Variants in NEGR1 observed in about 807,000 individuals in gnomAD.
NEGR1 encodes neuronal growth regulator 1.
NEGR1 carries 10 observed loss-of-function variants against 40.9 expected under a neutral mutation model. That is an observed-to-expected ratio of 0.24 (90% CI 0.15 to 0.42). NEGR1 has a LOEUF of 0.42. Among genes scored for constraint, NEGR1 ranks in the 10% least tolerant of loss-of-function variants. NEGR1 has a pLI of 1.00. For synonymous variants in NEGR1, 185 were observed against 166.8 expected (o/e 1.11, Z -0.84); for missense variants, 352 against 438.9 (o/e 0.80, Z 1.77).
chr1:72,207,170 AC>A (rs1351754535), intron 1 of NEGR1, among the ~76,000 whole-genome samples: 3 of 151,808 alleles, frequency 2.0e-5, no homozygotes, highest in Admixed American at 6.6e-5. Flanking sequence ...TTAAAAAAAA[AC>A]AAAAGTCAAT....
intron 2 of NEGR1, among the ~76,000 whole-genome samples, chr1:71,849,469 C>A (rs1255498989): frequency 6.6e-6 from 1 of 152,074 alleles, no homozygotes; most frequent in Admixed American, 6.6e-5. Flanking sequence ...AAAATGATTT[C>A]TTGAGATGGA....
chr1:71,862,800 C>G (rs376213517), intron 2 of NEGR1, among the ~76,000 whole-genome samples: 1 of 151,920 alleles, frequency 6.6e-6, no homozygotes. Flanking sequence ...CATGAACAGA[C>G]GATTCTCAAA....
chr1:72,209,395 C>T (rs1653518080), intron 1 of NEGR1, among the ~76,000 whole-genome samples: 1 of 151,572 alleles, frequency 6.6e-6, no homozygotes, highest in Admixed American at 6.6e-5. Flanking sequence ...CAGACTCCAG[C>T]AATATGATTC....
At chr1:71,882,795 T>A (rs1423290032) in intron 2 of NEGR1, among the ~76,000 whole-genome samples, 1 of 151,794 alleles carries the variant, frequency 6.6e-6, no homozygotes, top group African/African-American at 2.4e-5. Context: ...AGTCTATATG[T>A]GGAGGAGTTT....
chr1:72,126,967 G>T (rs903711319), intron 1 of NEGR1, among the ~76,000 whole-genome samples: 4 of 152,154 alleles, frequency 2.6e-5, no homozygotes, highest in African/African-American at 7.2e-5. Context: ...ACACAAATCC[G>T]ACTTTTTCCC....
intron 1 of NEGR1, among the ~76,000 whole-genome samples, chr1:72,140,814 T>G (rs2100334478): frequency 6.6e-6 from 1 of 152,126 alleles, no homozygotes; most frequent in African/African-American, 2.4e-5. Flanking sequence ...ATAATTATTA[T>G]ATTTAATTAA....
At chr1:72,102,759 A>C (rs1399044316) in intron 1 of NEGR1, among the ~76,000 whole-genome samples, 1 of 152,090 alleles carries the variant, frequency 6.6e-6, no homozygotes, top group Non-Finnish European at 1.5e-5. Flanking sequence ...ATTCACTTAT[A>C]AAGTTATTTT....
intron 1 of NEGR1, among the ~76,000 whole-genome samples, chr1:72,146,282 G>A (rs1420893101): frequency 2.6e-5 from 4 of 152,162 alleles, no homozygotes; most frequent in African/African-American, 9.7e-5. Context: ...GCCATCGTCT[G>A]TTGTTGTTTA....
chr1:71,777,428 C>G (rs1038973974), intron 2 of NEGR1, among the ~76,000 whole-genome samples: 5 of 152,126 alleles, frequency 3.3e-5, no homozygotes, highest in African/African-American at 1.2e-4. Context: ...TGCTCTTTTC[C>G]TATGCCTTAA....
At position 71,398,545 on chromosome 1, in the gene NEGR1, G is replaced by A. The variant is rs576623763; in HGVS notation, c.*8901C>T. The A allele has an allele frequency of 1.3e-5, 2 of 152,352 alleles. No homozygotes were observed. The highest frequency in any genetic ancestry group is 2.1e-4 in the South Asian group (1 of 4,826). 9.4% of individuals were successfully genotyped at this position (152,352 alleles called of 1,614,324 possible). On this transcript the variant is annotated 3_prime_UTR_variant, in exon 7 of 7. Transcript: ENST00000357731. ...CTTACCCAATGCCTGTACTTCCATT[G>A]CATCTAGGAAGTAACTAACTTGCTT...
At chr1:71,675,716 A>G (rs1652605656) in intron 4 of NEGR1, among the ~76,000 whole-genome samples, 1 of 152,094 alleles carries the variant, frequency 6.6e-6, no homozygotes, top group African/African-American at 2.4e-5. Flanking sequence ...TATACAGAAA[A>G]AGAAACCAAG....
intron 2 of NEGR1, among the ~76,000 whole-genome samples, chr1:71,823,378 T>C (rs1658504115): frequency 6.6e-6 from 1 of 151,946 alleles, no homozygotes; most frequent in Admixed American, 6.6e-5. Context: ...ATGATAACCT[T>C]GTTATATCCT....
chr1:72,039,404 C>A (rs1646932556), intron 1 of NEGR1, among the ~76,000 whole-genome samples: 1 of 151,818 alleles, frequency 6.6e-6, no homozygotes, highest in Non-Finnish European at 1.5e-5. Context: ...AGAGAAAAGA[C>A]CCTGCTAGTA....
chr1:71,746,015 T>C (rs1284114010), intron 3 of NEGR1, among the ~76,000 whole-genome samples: 2 of 152,200 alleles, frequency 1.3e-5, no homozygotes, highest in African/African-American at 2.4e-5. Context: ...CCCCTCAGTC[T>C]GGTTGCATTA....
At chr1:71,454,131 A>C (rs1218115737) in intron 6 of NEGR1, among the ~76,000 whole-genome samples, 1 of 152,158 alleles carries the variant, frequency 6.6e-6, no homozygotes, top group Non-Finnish European at 1.5e-5. Flanking sequence ...GTATTAATTT[A>C]TTCTCCACCC....
intron 1 of NEGR1, among the ~76,000 whole-genome samples, chr1:71,990,554 T>TA (rs1646440040): frequency 6.6e-6 from 1 of 152,170 alleles, no homozygotes; most frequent in Non-Finnish European, 1.5e-5. Context: ...GCATGCCAAG[T>TA]AATATATTTT....
intron 2 of NEGR1, among the ~76,000 whole-genome samples, chr1:71,861,676 C>T (rs562732901): frequency 2.0e-5 from 3 of 152,068 alleles, no homozygotes; most frequent in East Asian, 1.9e-4. Context: ...ACTGATTATT[C>T]GCAAGCATAA....
At chr1:72,207,813 C>A (rs1653465385) in intron 1 of NEGR1, among the ~76,000 whole-genome samples, 2 of 151,688 alleles carry the variant, frequency 1.3e-5, no homozygotes, top group Non-Finnish European at 3.0e-5. Context: ...TTAGCAAGTA[C>A]AACTAGTTAG....
At chr1:71,739,956 C>T (rs1444985063) in intron 3 of NEGR1, among the ~76,000 whole-genome samples, 2 of 152,302 alleles carry the variant, frequency 1.3e-5, no homozygotes, top group East Asian at 3.9e-4. Context: ...TTGTACATTA[C>T]CACTTCATGA....
Sources: gnomAD v4.1 joint callset for allele counts (sites outside exome capture counted in the v4.1 genomes callset) on GRCh38, gnomAD v4.1.1 for gene constraint, MANE v1.5 for transcripts, NCBI Gene and HGNC (gene_info 2026-07-23, HGNC 2026-07-21) for gene names.